Variants in RADIL observed in about 807,000 individuals in gnomAD.
The protein encoded by RADIL is Rap associating with DIL domain.
In RADIL, 99 loss-of-function variants were observed where a neutral mutation model predicts 97.6. That is an observed-to-expected ratio of 1.01 (90% confidence interval 0.86 to 1.20). The LOEUF (loss-of-function observed/expected upper bound fraction) is 1.20. RADIL is among the 50% of genes most tolerant of loss of function. RADIL has a pLI of 0.00. For missense variants in RADIL, 1,765 were observed against 1,498.9 expected, an observed-to-expected ratio of 1.18 and a Z score of -2.93; for synonymous variants, 803 against 691.8, an observed-to-expected ratio of 1.16 and a Z score of -2.52.
At position 4,839,222 on chromosome 7, in the gene RADIL, A is replaced by G. The variant is rs930448753; in HGVS notation, c.536-2617T>C. 4.6e-5 allele frequency among the ~76,000 whole-genome samples: 7 copies of G among 152,244 alleles called. No individual in the cohort carries two copies. The East Asian group carries it at 1.3e-3, about 29-fold the overall frequency. On this transcript the variant is annotated intron_variant, in intron 2 of 14. Coordinates refer to ENST00000399583, the MANE Select transcript of RADIL (RefSeq NM_018059.5). ...TAGCTTACGGTTTCTATATATGTGCATGCAAAGCTATTTTTTACCCCAAAG... is the reference window on the plus strand; with the variant it reads ...TAGCTTACGGTTTCTATATATGTGCGTGCAAAGCTATTTTTTACCCCAAAG...
intron 1 of RADIL, among the ~76,000 whole-genome samples, chr7:4,882,470 C>G (rs1583335987): frequency 6.6e-6 from 1 of 152,202 alleles, no homozygotes; most frequent in South Asian, 2.1e-4. Context: ...CTCTTGTTCT[C>G]AAGGAAGGGT....
chr7:4,807,489 CTCTG>C (rs1307241293), intron 9 of RADIL, among the ~76,000 whole-genome samples: 10 of 149,050 alleles, frequency 6.7e-5, no homozygotes, highest in African/African-American at 2.0e-4. Flanking sequence ...CTCCCCCTCC[CTCTG>C]TCTGTCTCCT....
Position 4,878,322 on chromosome 7 carries a change from C to A in RADIL, c.-64-119G>T. 1 of 661,536 alleles carries A rather than the reference C, an allele frequency of 1.5e-6. No individual in the cohort carries two copies. Among genetic ancestry groups the A allele is most frequent in the Non-Finnish European group, 2.5e-6 (1 of 399,272 alleles). 41.0% of individuals were successfully genotyped at this position (661,536 alleles called of 1,614,324 possible). Reference sequence around the variant, plus strand: ...GCTTTAGAAGGCCAAGGTGGGAGGACGGCTTGAGCCCGGGAGTTCCAGACC... The same window carrying A: ...GCTTTAGAAGGCCAAGGTGGGAGGAAGGCTTGAGCCCGGGAGTTCCAGACC... On this transcript the variant is annotated intron_variant, in intron 1 of 14. Coordinates refer to ENST00000399583, the MANE Select transcript of RADIL (RefSeq NM_018059.5). The surrounding 1 kb of genome is among the most constrained non-coding windows in gnomAD (Gnocchi z 4.1).
intron 9 of RADIL, among the ~76,000 whole-genome samples, chr7:4,806,479 C>T (rs1782313173): frequency 6.6e-6 from 1 of 152,170 alleles, no homozygotes; most frequent in African/African-American, 2.4e-5. Context: ...GAGCCACTGG[C>T]TCCGGCCCAG....
Position 4,818,268 on chromosome 7 carries a change from G to A in RADIL, c.1616-917C>T, listed in dbSNP as rs138021369. ...GCCAGGCCAACACTCACCCCAGCGC[G>A]GGCCTCCCAGGAGCACAGGCCCCCA... On this transcript the variant is annotated intron_variant, in intron 6 of 14. Transcript: ENST00000399583. This position sits in a 1 kb window ranked among gnomAD's most constrained non-coding sequence, Gnocchi z 7.1. Among the ~76,000 whole-genome samples, 2,396 of 152,308 alleles carry A rather than the reference G, an allele frequency of 0.016. 30 individuals carry two copies. Among genetic ancestry groups the A allele is most frequent in the Middle Eastern group, 0.034 (10 of 294 alleles).
Position 4,816,470 on chromosome 7 carries a change from CG to C in RADIL, c.1729-6del. ...CGGGAGGCAGATGTACAGGGACTGGCGGGGGCAAGAGGAGAACAGCAACCAG... is the reference window on the plus strand; with the variant it reads ...CGGGAGGCAGATGTACAGGGACTGGCGGGGCAAGAGGAGAACAGCAACCAG... On this transcript the variant is annotated splice_polypyrimidine_tract_variant and splice_region_variant and intron_variant, in intron 7 of 14. Transcript: ENST00000399583. 1 of 1,600,702 alleles carries C rather than the reference CG, an allele frequency of 6.2e-7. No individual in the cohort carries two copies. Among genetic ancestry groups the C allele is most frequent in the Non-Finnish European group, 8.5e-7 (1 of 1,172,668 alleles).
chr7:4,828,575 AAC>A (rs750511290), intron 5 of RADIL, among the ~76,000 whole-genome samples: 6 of 152,284 alleles, frequency 3.9e-5, no homozygotes, highest in Non-Finnish European at 7.3e-5. Context: ...CACAATTTGA[AAC>A]ACAGAACACA....
At chr7:4,804,432 T>C (rs528276386) in intron 10 of RADIL, among the ~76,000 whole-genome samples, 12 of 152,290 alleles carry the variant, frequency 7.9e-5, no homozygotes, top group Admixed American at 7.2e-4. Flanking sequence ...CGTACTCTGT[T>C]TTGTTGAGGT....
At position 4,879,233 on chromosome 7, in the gene RADIL, A is replaced by T. The variant is rs190394540; in HGVS notation, c.-64-1030T>A. On this transcript the variant is annotated intron_variant, in intron 1 of 14. Transcript: ENST00000399583. This position sits in a 1 kb window ranked among gnomAD's most constrained non-coding sequence, Gnocchi z 4.1. ...TGGGGAAACGGGAAAACAGCCTGGG[A>T]CGCGTTGGCGTGTCATACAATCACA... Among the ~76,000 whole-genome samples the T allele has an allele frequency of 6.6e-6, 1 of 152,324 alleles. No individual in the cohort carries two copies. Among genetic ancestry groups the T allele is most frequent in the East Asian group, 1.9e-4 (1 of 5,174 alleles).
rs1562421994 is a variant in RADIL, at chr7:4,798,256, A to G, written c.*1122T>C. ...CGGGTCGGCAGAGGGCGCGGGGCGG[A>G]CGCGCTGCACCTCGCCGTAGCGCAC... On this transcript the variant is annotated 3_prime_UTR_variant, in exon 15 of 15. Transcript: ENST00000399583. The G allele has an allele frequency of 6.6e-6, 1 of 152,022 alleles. No individual in the cohort carries two copies. Among genetic ancestry groups the G allele is most frequent in the Non-Finnish European group, 1.5e-5 (1 of 68,006 alleles). 9.4% of individuals were successfully genotyped at this position (152,022 alleles called of 1,614,324 possible). A position where few individuals can be genotyped will look rare whatever the true frequency, so the allele number is the denominator to read the frequency against.
At position 4,814,057 on chromosome 7, in the gene RADIL, G is replaced by C. The variant is rs1024753605; in HGVS notation, c.2139+1221C>G. Among the ~76,000 whole-genome samples, 1 of 152,176 alleles carries C rather than the reference G, an allele frequency of 6.6e-6. No individual in the cohort carries two copies. The highest frequency in any genetic ancestry group is 6.6e-5 in the Admixed American group (1 of 15,264). Reference sequence around the variant, plus strand: ...AGCCTCTCAAAGCACTGGGAGGACAGGCATGAGCCACCGTGCCTGGCCGAG... The same window carrying C: ...AGCCTCTCAAAGCACTGGGAGGACACGCATGAGCCACCGTGCCTGGCCGAG... On this transcript the variant is annotated intron_variant, in intron 9 of 14. Coordinates refer to ENST00000399583, the MANE Select transcript of RADIL (RefSeq NM_018059.5). The surrounding 1 kb of genome is among the most constrained non-coding windows in gnomAD (Gnocchi z 4.5).
At chr7:4,853,650 G>A (rs1783760091) in intron 2 of RADIL, among the ~76,000 whole-genome samples, 1 of 150,796 alleles carries the variant, frequency 6.6e-6, no homozygotes, top group Non-Finnish European at 1.5e-5. Flanking sequence ...GCTGAGGCAG[G>A]AGAATCGCTT....
At chr7:4,856,945 G>A (rs937868707) in intron 2 of RADIL, among the ~76,000 whole-genome samples, 7 of 152,218 alleles carry the variant, frequency 4.6e-5, no homozygotes, top group Admixed American at 4.6e-4. Flanking sequence ...AGACCGGATG[G>A]CTTCACAAAG....
chr7:4,829,797 T>C (rs1324016317), intron 5 of RADIL, among the ~76,000 whole-genome samples: 1 of 152,202 alleles, frequency 6.6e-6, no homozygotes, highest in Non-Finnish European at 1.5e-5. Flanking sequence ...TGTGCCCTTG[T>C]TCCTCCTTTG....
chr7:4,852,709 A>AT (rs1245607749), intron 2 of RADIL, among the ~76,000 whole-genome samples: 1 of 152,100 alleles, frequency 6.6e-6, no homozygotes. Context: ...CACCCTGATA[A>AT]TTTTTGTGTT....
intron 1 of RADIL, among the ~76,000 whole-genome samples, chr7:4,881,937 TC>T (rs1344970793): frequency 6.6e-6 from 1 of 151,118 alleles, no homozygotes; most frequent in Admixed American, 6.6e-5. Context: ...GAAATGTTGT[TC>T]CCCCCACTTC....
chr7:4,801,767 G>A lies in RADIL; in HGVS notation c.2728C>T (p.Leu910Phe). The change falls in exon 12 of 15, where the codon CTT becomes TTT. Residue 910 changes from leucine (L) to phenylalanine (F), a missense_variant. Leu to Phe is a conservative substitution (Grantham distance 22). Transcript: ENST00000399583. ...SCLLTPPSTP[L>F]GPEPGDPDWP... is the part of the protein sequence containing the mutation. ...TCGGGGTCCCCAGGCTCAGGGCCAA[G>A]TGGAGTGCTGGGAGGCGTGAGCAAG... 2 of 1,610,608 alleles carry A rather than the reference G, an allele frequency of 1.2e-6. No homozygotes were observed. The highest frequency in any genetic ancestry group is 1.7e-6 in the Non-Finnish European group (2 of 1,179,152).
chr7:4,841,105 G>A (rs1026573938), intron 2 of RADIL, among the ~76,000 whole-genome samples: 4 of 152,204 alleles, frequency 2.6e-5, no homozygotes, highest in Non-Finnish European at 5.9e-5. Context: ...TAAATAAAGC[G>A]CCAGACCCTG....
In RADIL at chr7:4,814,112, C is replaced by A. The variant is rs1012143741; in HGVS notation, c.2139+1166G>T. On this transcript the variant is annotated intron_variant, in intron 9 of 14. Transcript: ENST00000399583. This position sits in a 1 kb window ranked among gnomAD's most constrained non-coding sequence, Gnocchi z 4.5. Reference sequence around the variant, plus strand: ...CTTTCTTCAATCTGCTAAGGCAGTTCACCCATCTGCTTTCTGCCTTCCAAA... The same window carrying A: ...CTTTCTTCAATCTGCTAAGGCAGTTAACCCATCTGCTTTCTGCCTTCCAAA... Among the ~76,000 whole-genome samples the A allele has an allele frequency of 6.6e-6, 1 of 152,202 alleles. No homozygotes were observed. The highest frequency in any genetic ancestry group is 1.9e-4 in the East Asian group (1 of 5,192).
Sources: allele counts gnomAD v4.1 joint callset (sites outside exome capture counted in the v4.1 genomes callset), GRCh38; gene constraint gnomAD v4.1.1; non-coding constraint Gnocchi (gnomAD v3.1); transcripts MANE v1.5; gene names NCBI Gene and HGNC (gene_info 2026-07-23, HGNC 2026-07-21).